The following THSD4 variants were observed in gnomAD, a reference collection of about 807,000 sequenced individuals.
THSD4 encodes thrombospondin type 1 domain containing 4.
THSD4 carries 69 observed loss-of-function variants against 119.0 expected under a neutral mutation model. That is an observed-to-expected ratio of 0.58 (90% confidence interval 0.48 to 0.71). The LOEUF (loss-of-function observed/expected upper bound fraction) is 0.71, where lower values mean the gene tolerates loss of function less well. THSD4 is among the 30% of genes least tolerant of loss of function. THSD4 has a pLI of 0.00. For synonymous variants in THSD4, 524 were observed against 540.4 expected, an observed-to-expected ratio of 0.97 and a Z score of 0.42; for missense variants, 1,393 against 1,391.1, an observed-to-expected ratio of 1.00 and a Z score of -0.02.
At chr15:71,453,209 A>G (rs1354499336) in intron 7 of THSD4, among the ~76,000 whole-genome samples, 2 of 152,182 alleles carry the variant, frequency 1.3e-5, no homozygotes, top group African/African-American at 2.4e-5. Flanking sequence ...AAACCTGAGC[A>G]GACTAAGACC....
intron 7 of THSD4, among the ~76,000 whole-genome samples, chr15:71,575,143 C>A (rs941051352): frequency 1.3e-5 from 2 of 152,286 alleles, no homozygotes; most frequent in Non-Finnish European, 2.9e-5. Flanking sequence ...ACTAGGCAAA[C>A]CTAGACTTCT....
chr15:71,442,600 ATGTGTG>A (rs1296595218), intron 7 of THSD4, among the ~76,000 whole-genome samples: 3,548 of 44,736 alleles, frequency 0.079, 688 homozygotes, highest in African/African-American at 0.12. Context: ...ATATATATAT[ATGTGTG>A]TGTGTGTGTG....
chr15:71,591,160 A>G (rs2049794864), intron 7 of THSD4, among the ~76,000 whole-genome samples: 1 of 152,084 alleles, frequency 6.6e-6, no homozygotes, highest in Non-Finnish European at 1.5e-5. Context: ...ACTTCCTCTT[A>G]CCTATTGTCA....
At chr15:71,159,188 GC>G (rs2043228190) in intron 3 of THSD4, among the ~76,000 whole-genome samples, 1 of 152,002 alleles carries the variant, frequency 6.6e-6, no homozygotes, top group Non-Finnish European at 1.5e-5. Flanking sequence ...TCTGCTTTAT[GC>G]CAGTACCATG....
At chr15:71,260,774 A>G (rs1233994932) in intron 6 of THSD4, among the ~76,000 whole-genome samples, 1 of 152,226 alleles carries the variant, frequency 6.6e-6, no homozygotes, top group Non-Finnish European at 1.5e-5. Context: ...CCTGGTCTTG[A>G]GGGCTGAATT....
chr15:71,676,584 A>G (rs1315713753), intron 8 of THSD4, among the ~76,000 whole-genome samples: 3 of 152,070 alleles, frequency 2.0e-5, no homozygotes, highest in Non-Finnish European at 4.4e-5. Flanking sequence ...CCAGCCTCAG[A>G]ATATTTTCTT....
chr15:71,373,518 C>A (rs1234371196), intron 6 of THSD4, among the ~76,000 whole-genome samples: 1 of 152,176 alleles, frequency 6.6e-6, no homozygotes, highest in Non-Finnish European at 1.5e-5. Context: ...AGCAAATCAT[C>A]ATTGAAACAC....
At chr15:71,300,182 A>C (rs2044929004) in intron 6 of THSD4, among the ~76,000 whole-genome samples, 2 of 151,840 alleles carry the variant, frequency 1.3e-5, no homozygotes, top group East Asian at 1.9e-4. Flanking sequence ...ATATAAAATT[A>C]GTTTTTTAAA....
chr15:71,409,165 T>C (rs1322781473), intron 6 of THSD4, among the ~76,000 whole-genome samples: 17 of 113,696 alleles, frequency 1.5e-4, no homozygotes, highest in South Asian at 5.5e-4. Context: ...TCCCCCCCCC[T>C]CAGAATGTTC....
chr15:71,557,762 G>A (rs7169702), intron 7 of THSD4, among the ~76,000 whole-genome samples: 148,857 of 152,298 alleles, frequency 0.98, 72,857 homozygotes, highest in Middle Eastern at 1. Flanking sequence ...TAACATAAAT[G>A]TGTTCATTAT....
At chr15:71,227,523 G>A (rs1420489491) in intron 4 of THSD4, among the ~76,000 whole-genome samples, 1 of 152,206 alleles carries the variant, frequency 6.6e-6, no homozygotes, top group Non-Finnish European at 1.5e-5. Context: ...CTACCTGCAG[G>A]AGCCTGCACA....
At chr15:71,628,140 C>T (rs540023902) in intron 7 of THSD4, among the ~76,000 whole-genome samples, 10 of 152,266 alleles carry the variant, frequency 6.6e-5, no homozygotes, top group African/African-American at 1.7e-4. Flanking sequence ...GCCTGGGCAT[C>T]GGTAGCTTTT....
At chr15:71,600,741 TTTC>T (rs2049992809) in intron 7 of THSD4, among the ~76,000 whole-genome samples, 1 of 125,464 alleles carries the variant, frequency 8.0e-6, no homozygotes, top group Non-Finnish European at 1.8e-5. Context: ...TTTTTTTTTC[TTTC>T]TTTCTTTTTT....
intron 7 of THSD4, among the ~76,000 whole-genome samples, chr15:71,492,433 TTTGTTG>T (rs56285619): frequency 0.042 from 6,282 of 150,878 alleles, 209 homozygotes; most frequent in African/African-American, 0.098. Flanking sequence ...CCCATCTATT[TTTGTTG>T]TTGTTGTTGT....
At chr15:71,644,577 C>T (rs1380804189) in intron 7 of THSD4, among the ~76,000 whole-genome samples, 1 of 152,088 alleles carries the variant, frequency 6.6e-6, no homozygotes, top group East Asian at 1.9e-4. Context: ...CTCTATGCCA[C>T]CTTTGTATTC....
At chr15:71,676,989 A>G (rs182063974) in intron 8 of THSD4, among the ~76,000 whole-genome samples, 1 of 152,326 alleles carries the variant, frequency 6.6e-6, no homozygotes, top group East Asian at 1.9e-4. Context: ...GATGAGTCAT[A>G]TGGTAACTCT....
At chr15:71,343,316 C>T (rs2045607098) in intron 6 of THSD4, among the ~76,000 whole-genome samples, 1 of 152,202 alleles carries the variant, frequency 6.6e-6, no homozygotes, top group Non-Finnish European at 1.5e-5. Context: ...CCTGTCTCTA[C>T]TGATTGATTG....
At chr15:71,225,420 A>G (rs1156965389) in intron 4 of THSD4, among the ~76,000 whole-genome samples, 2 of 151,738 alleles carry the variant, frequency 1.3e-5, no homozygotes, top group Non-Finnish European at 2.9e-5. Context: ...CTTGCTTTTT[A>G]TTGATGCATT....
At chr15:71,727,199 T>C (rs1260369877) in intron 8 of THSD4, among the ~76,000 whole-genome samples, 1 of 152,046 alleles carries the variant, frequency 6.6e-6, no homozygotes. Flanking sequence ...AAATGGGGAT[T>C]ATAACATCTG....
Sources: allele counts gnomAD v4.1 joint callset (sites outside exome capture counted in the v4.1 genomes callset), GRCh38; gene constraint gnomAD v4.1.1; transcripts MANE v1.5; gene names NCBI Gene and HGNC (gene_info 2026-07-23, HGNC 2026-07-21).